The following CCDC146 variants were observed in gnomAD, a reference collection of about 807,000 sequenced individuals.
CCDC146 encodes coiled-coil domain containing 146, also known as coiled-coil domain-containing protein 146.
CCDC146 carries 92 observed loss-of-function variants against 119.3 expected under a neutral mutation model. The observed-to-expected ratio is 0.77, with a 90% confidence interval of 0.65 to 0.92. CCDC146 has a LOEUF of 0.92. Among genes scored for constraint, CCDC146 ranks in the 40% least tolerant of loss-of-function variants. The probability of loss-of-function intolerance (pLI) is 0.00; values close to 1 mark genes in which losing one functional copy is unlikely to be tolerated. For missense variants in CCDC146, 1,000 were observed against 1,103.0 expected (o/e 0.91, Z 1.32); for synonymous variants, 372 against 371.8 (o/e 1.00, Z -0.01).
At chr7:77,294,505 T>TGG (rs1554364030) in intron 18 of CCDC146, among the ~76,000 whole-genome samples, 158 bp from the exon 19 acceptor site, 3 of 143,478 alleles carry the variant, frequency 2.1e-5, no homozygotes, top group South Asian at 2.3e-4. Flanking sequence ...TGTGTGTGTG[T>TGG]GGTGTGATTC....
intron 2 of CCDC146, among the ~76,000 whole-genome samples, chr7:77,182,515 T>C (rs567738955): frequency 2.4e-4 from 37 of 152,278 alleles, no homozygotes; most frequent in Middle Eastern, 6.8e-3. Context: ...CTCAGGCTTG[T>C]AATCCCAGCA....
At chr7:77,223,044 A>G (rs751763436) in intron 2 of CCDC146, among the ~76,000 whole-genome samples, 144 of 152,178 alleles carry the variant, frequency 9.5e-4, no homozygotes, top group Non-Finnish European at 1.3e-3. Context: ...TGCTCTTACC[A>G]TTGGTTCAGT....
At chr7:77,293,299 C>A in intron 18 of CCDC146, 99 bp downstream of exon 18, 2 of 1,252,522 alleles carry the variant, frequency 1.6e-6, no homozygotes, top group Non-Finnish European at 2.2e-6. Flanking sequence ...AATTTCCCCA[C>A]TCTACCACAC....
intron 9 of CCDC146, among the ~76,000 whole-genome samples, chr7:77,266,477 C>CA (rs1793404704): frequency 6.6e-6 from 1 of 151,970 alleles, no homozygotes; most frequent in Non-Finnish European, 1.5e-5. Flanking sequence ...GGGATTATTG[C>CA]AAAAAATGAG....
intron 2 of CCDC146, among the ~76,000 whole-genome samples, chr7:77,212,668 G>A (rs966580215): frequency 2.7e-5 from 4 of 150,006 alleles, no homozygotes; most frequent in Non-Finnish European, 4.4e-5. Context: ...CATTCACAGT[G>A]ATATGTCTCA....
At chr7:77,166,218 T>C in intron 1 of CCDC146, among the ~76,000 whole-genome samples, 1 of 152,228 alleles carries the variant, frequency 6.6e-6, no homozygotes, top group Non-Finnish European at 1.5e-5. Context: ...ACATTTAAAA[T>C]TAAATTCACA....
At chr7:77,271,066 A>C (rs768799055) in intron 9 of CCDC146, among the ~76,000 whole-genome samples, 158 of 152,070 alleles carry the variant, frequency 1.0e-3, no homozygotes, top group Admixed American at 1.6e-3. Flanking sequence ...AAAAAAAAAA[A>C]AAACAGCATT....
intron 1 of CCDC146, among the ~76,000 whole-genome samples, chr7:77,166,802 C>G (rs1791343418): frequency 6.6e-6 from 1 of 151,930 alleles, no homozygotes; most frequent in Non-Finnish European, 1.5e-5. Flanking sequence ...TTTTTTTGTA[C>G]TGGGTCCTGC....
intron 1 of CCDC146, among the ~76,000 whole-genome samples, chr7:77,144,406 A>T (rs1366776660): frequency 2.6e-5 from 4 of 151,644 alleles, no homozygotes; most frequent in Non-Finnish European, 1.5e-5. Flanking sequence ...GATACTCTTT[A>T]TTTCTTTCTC....
intron 1 of CCDC146, among the ~76,000 whole-genome samples, chr7:77,163,868 T>C (rs577766082): frequency 1.3e-4 from 19 of 146,720 alleles, no homozygotes; most frequent in Non-Finnish European, 1.8e-4. Context: ...TTCTTTTTTT[T>C]TTTTTTTTTG....
At chr7:77,177,901 G>T (rs1194582299) in intron 2 of CCDC146, among the ~76,000 whole-genome samples, 2 of 152,152 alleles carry the variant, frequency 1.3e-5, no homozygotes, top group African/African-American at 4.8e-5. Flanking sequence ...GTACAGATAG[G>T]TTCTATTGTT....
chr7:77,232,854 G>A (rs971021397), intron 2 of CCDC146, among the ~76,000 whole-genome samples: 1 of 152,170 alleles, frequency 6.6e-6, no homozygotes, highest in Non-Finnish European at 1.5e-5. Context: ...AGGAAAGTGG[G>A]GGACATGGGC....
At chr7:77,179,290 A>T (rs1791545250) in intron 2 of CCDC146, among the ~76,000 whole-genome samples, 1 of 152,150 alleles carries the variant, frequency 6.6e-6, no homozygotes, top group South Asian at 2.1e-4. Context: ...TATATAAAAT[A>T]TATACATAGT....
At chr7:77,189,830 T>A (rs1791732225) in intron 2 of CCDC146, among the ~76,000 whole-genome samples, 1 of 152,190 alleles carries the variant, frequency 6.6e-6, no homozygotes, top group South Asian at 2.1e-4. Context: ...TGAGCTCTCA[T>A]ATCTTTAGGT....
At position 77,202,194 on chromosome 7, in the gene CCDC146, C is replaced by T. The variant is rs182440401; in HGVS notation, c.156+34370C>T. On this transcript the variant is annotated intron_variant, in intron 2 of 18. Coordinates refer to ENST00000285871, the MANE Select transcript of CCDC146 (RefSeq NM_020879.3). ...ACTCTGCACCCTCTGCATGCAAAAC[C>T]GCTATTCTAGGCACTTGGGCCACAC... Among the ~76,000 whole-genome samples the T allele has an allele frequency of 1.2e-4, 18 of 152,326 alleles. No individual in the cohort carries two copies. The South Asian group carries it at 2.5e-3, about 21-fold the overall frequency.
intron 5 of CCDC146, 80 bp downstream of exon 5, chr7:77,254,643 A>G: frequency 2.6e-6 from 2 of 773,726 alleles, no homozygotes; most frequent in Non-Finnish European, 4.3e-6. Context: ...TGTTTATCAC[A>G]ACCACCATAG....
rs201625834 is a variant in CCDC146, at chr7:77,256,381, C to T, written c.556C>T (p.Arg186Cys). ...KILRESTEEL[R>C]KEIMQKKLEI... ...ATTGAGAGAAAGCACTGAAGAATTA[C>T]GTAAAGAAATAATGCAGAAGAAATT... is the stretch of plus-strand genomic sequence containing the variant. Residue 186 changes from arginine (R) to cysteine (C), a missense_variant, in exon 6 of 19, where the codon CGT (arginine) becomes TGT (cysteine). This residue lies in a region of CCDC146 where 985 missense variants were observed against 1,045.3 expected (regional missense o/e 0.94). Coordinates refer to ENST00000285871, the MANE Select transcript of CCDC146 (RefSeq NM_020879.3). 1.3e-5 allele frequency: 21 copies of T among 1,600,854 alleles called. No individual in the cohort carries two copies. The highest frequency in any genetic ancestry group is 6.7e-5 in the East Asian group (3 of 44,678).
At chr7:77,180,594 A>T (rs1791571944) in intron 2 of CCDC146, among the ~76,000 whole-genome samples, 1 of 152,022 alleles carries the variant, frequency 6.6e-6, no homozygotes. Flanking sequence ...GCTACTTGGG[A>T]GGCTGAGGTC....
chr7:77,245,234 C>G (rs1792926690), intron 4 of CCDC146, among the ~76,000 whole-genome samples: 1 of 152,082 alleles, frequency 6.6e-6, no homozygotes, highest in Admixed American at 6.5e-5. Flanking sequence ...AATATGTAAT[C>G]TATTTAAAGT....
Sources: gnomAD v4.1 joint callset for allele counts (sites outside exome capture counted in the v4.1 genomes callset) on GRCh38, gnomAD v4.1.1 for gene constraint, gnomAD v4.1.1 regional missense constraint, MANE v1.5 for transcripts, NCBI Gene and HGNC (gene_info 2026-07-23, HGNC 2026-07-21) for gene names.